The following LARGE1 variants were observed in gnomAD, a reference collection of about 807,000 sequenced individuals.
The protein encoded by LARGE1 is xylosyl- and glucuronyltransferase LARGE1.
In LARGE1, 43 loss-of-function variants were observed where a neutral mutation model predicts 87.6. That is an observed-to-expected ratio of 0.49 (90% CI 0.38 to 0.63). The LOEUF is 0.63. Among genes scored for constraint, LARGE1 ranks in the 30% least tolerant of loss-of-function variants. LARGE1 has a pLI of 0.00. For missense variants in LARGE1, 802 were observed against 1,000.2 expected, an observed-to-expected ratio of 0.80 and a Z score of 2.67; for synonymous variants, 434 against 394.6, an observed-to-expected ratio of 1.10 and a Z score of -1.18.
chr22:33,897,588 A>T (rs747244732), intron 1 of LARGE1, among the ~76,000 whole-genome samples: 1 of 152,214 alleles, frequency 6.6e-6, no homozygotes, highest in Non-Finnish European at 1.5e-5. Flanking sequence ...AGGTGAAATC[A>T]GAGGGGGAAT....
intron 10 of LARGE1, chr22:33,322,786 A>T (rs1044879960): frequency 6.6e-6 from 1 of 152,190 alleles, no homozygotes; most frequent in Admixed American, 6.5e-5. Flanking sequence ...AAAGGGTATT[A>T]TCTAGGGAAT....
intron 8 of LARGE1, among the ~76,000 whole-genome samples, chr22:33,382,361 C>T (rs1476772330): frequency 4.6e-5 from 7 of 152,154 alleles, no homozygotes; most frequent in African/African-American, 1.7e-4. Context: ...ATATGAAAAA[C>T]GAAGTCTCCT....
intron 4 of LARGE1, among the ~76,000 whole-genome samples, chr22:33,606,046 G>A (rs889949983): frequency 1.1e-4 from 16 of 152,154 alleles, no homozygotes; most frequent in African/African-American, 3.1e-4. Context: ...GGCCGGGGGC[G>A]GAGGGGCTTA....
At chr22:33,429,775 G>A (rs928776944) in intron 7 of LARGE1, among the ~76,000 whole-genome samples, 39 of 152,162 alleles carry the variant, frequency 2.6e-4, no homozygotes, top group African/African-American at 9.4e-4. Flanking sequence ...GAGGGAACGT[G>A]TCTGAAAATC....
chr22:33,260,289 C>T (rs1463164645), intron 11 of LARGE1, among the ~76,000 whole-genome samples: 6 of 152,212 alleles, frequency 3.9e-5, no homozygotes, highest in Admixed American at 2.0e-4. Context: ...AACAAACTGC[C>T]TTTTCAACGG....
At chr22:33,563,645 C>T (rs2077929353) in intron 6 of LARGE1, among the ~76,000 whole-genome samples, 2 of 152,188 alleles carry the variant, frequency 1.3e-5, no homozygotes, top group South Asian at 4.1e-4. Flanking sequence ...TCCCTCTAAG[C>T]TTCCGTTTCT....
chr22:33,465,673 C>T (rs546040436), intron 6 of LARGE1, among the ~76,000 whole-genome samples: 4 of 152,240 alleles, frequency 2.6e-5, no homozygotes, highest in African/African-American at 7.2e-5. Flanking sequence ...GTGAAGCCAG[C>T]GAGGGAAGGA....
intron 10 of LARGE1, among the ~76,000 whole-genome samples, chr22:33,317,450 A>G (rs1340485279): frequency 3.3e-5 from 5 of 152,286 alleles, no homozygotes; most frequent in African/African-American, 9.6e-5. Context: ...ATTTCACCTA[A>G]GTTTAATCAG....
chr22:33,634,674 A>AGAT (rs2080213483), intron 3 of LARGE1, among the ~76,000 whole-genome samples: 2 of 149,398 alleles, frequency 1.3e-5, no homozygotes, highest in African/African-American at 4.9e-5. Flanking sequence ...AAAAATTTCA[A>AGAT]AATAATAATA....
At chr22:33,898,520 C>T (rs1163821632) in intron 1 of LARGE1, among the ~76,000 whole-genome samples, 1 of 152,180 alleles carries the variant, frequency 6.6e-6, no homozygotes, top group African/African-American at 2.4e-5. Flanking sequence ...TTTGGGAGGC[C>T]GAGGCAGGCG....
chr22:33,337,455 A>G (rs113849277), intron 10 of LARGE1, among the ~76,000 whole-genome samples, 191 bp downstream of exon 10: 8 of 152,242 alleles, frequency 5.3e-5, no homozygotes, highest in African/African-American at 1.9e-4. Flanking sequence ...GTCTGCATCC[A>G]CAATGATGAG....
chr22:33,718,004 C>A (rs551441831), intron 2 of LARGE1, among the ~76,000 whole-genome samples: 101 of 152,302 alleles, frequency 6.6e-4, no homozygotes, highest in African/African-American at 2.0e-3. Context: ...TCTCCAGGTT[C>A]CTGCCATACT....
At chr22:33,145,321 C>A in the LARGE1 span, among the ~76,000 whole-genome samples, 1 of 152,180 alleles carries the variant, frequency 6.6e-6, no homozygotes, top group Non-Finnish European at 1.5e-5. Flanking sequence ...CCAGGACCAT[C>A]CCAGTCCACT....
chr22:33,267,939 A>G (rs1244401638), downstream of LARGE1, among the ~76,000 whole-genome samples: 1 of 150,242 alleles, frequency 6.7e-6, no homozygotes, highest in Non-Finnish European at 1.5e-5. Flanking sequence ...GTGGACCCAT[A>G]CATAATGGCA....
intron 3 of LARGE1, among the ~76,000 whole-genome samples, chr22:33,634,376 T>C (rs937361925): frequency 2.6e-5 from 4 of 152,168 alleles, no homozygotes; most frequent in African/African-American, 2.4e-5. Flanking sequence ...CCAGGGACCA[T>C]ACTTTGAGAA....
chr22:33,779,831 G>A (rs575939989), intron 1 of LARGE1, among the ~76,000 whole-genome samples: 1 of 131,330 alleles, frequency 7.6e-6, no homozygotes, highest in African/African-American at 2.5e-5. Flanking sequence ...CTAGGGGGTG[G>A]TAAGAGGGTA....
At chr22:33,120,358 T>TTTTG in the LARGE1 span, among the ~76,000 whole-genome samples, 1 of 118,686 alleles carries the variant, frequency 8.4e-6, no homozygotes, top group African/African-American at 3.4e-5. Flanking sequence ...TTTTCTTTCT[T>TTTTG]TTTCTTTCTT....
At chr22:33,381,787 A>T in intron 9 of LARGE1, 132 bp downstream of exon 9, 1 of 1,213,112 alleles carries the variant, frequency 8.2e-7, no homozygotes, top group Non-Finnish European at 1.2e-6. Flanking sequence ...TGAAAAGCAT[A>T]CTCATTCTGC....
intron 9 of LARGE1, among the ~76,000 whole-genome samples, chr22:33,367,409 G>A (rs895859835): frequency 1.3e-5 from 2 of 152,030 alleles, no homozygotes; most frequent in Non-Finnish European, 2.9e-5. Context: ...TGAATTTAAT[G>A]TTCTGTTCTG....
Sources: gnomAD v4.1 joint callset for allele counts (sites outside exome capture counted in the v4.1 genomes callset) on GRCh38, gnomAD v4.1.1 for gene constraint, MANE v1.5 for transcripts, NCBI Gene and HGNC (gene_info 2026-07-23, HGNC 2026-07-21) for gene names.